The following HOXB6 variants were observed in gnomAD, a reference collection of about 807,000 sequenced individuals.
The protein encoded by HOXB6 is homeobox B6.
HOXB6 carries 18 observed loss-of-function variants against 24.2 expected under a neutral mutation model. The observed-to-expected ratio is 0.74, with a 90% CI of 0.51 to 1.10. The LOEUF (loss-of-function observed/expected upper bound fraction) is 1.10. Among genes scored for constraint, HOXB6 ranks in the 50% least tolerant of loss-of-function variants. The pLI is 0.00. For missense variants in HOXB6, 332 were observed against 308.3 expected (o/e 1.08, Z -0.58); for synonymous variants, 159 against 139.1 (o/e 1.14, Z -1.01).
At chr17:48,597,067 C>T (rs1329748655) in intron 3 of HOXB6, 2 of 1,124,930 alleles carry the variant, frequency 1.8e-6, no homozygotes, top group African/African-American at 3.3e-5. Context: ...GATCCATAGT[C>T]CACATTAACG....
At chr17:48,604,028 C>A (rs2070527845) in intron 2 of HOXB6, 1 of 152,764 alleles carries the variant, frequency 6.5e-6, no homozygotes, top group African/African-American at 2.4e-5. Context: ...TGCCGGGAAC[C>A]CAGCGATATC....
At chr17:48,600,495 A>C (rs960380327) in intron 2 of HOXB6, 1 of 455,854 alleles carries the variant, frequency 2.2e-6, no homozygotes, top group Admixed American at 2.3e-5. Flanking sequence ...GGGCGCCTGG[A>C]GTCGGGCATG....
chr17:48,598,077 A>C lies in HOXB6; in HGVS notation c.74T>G (p.Leu25Arg). 6.2e-7 allele frequency: 1 copy of C among 1,605,534 alleles called. No homozygotes were observed. The highest frequency in any genetic ancestry group is 8.5e-7 in the Non-Finnish European group (1 of 1,175,814). The stretch of plus-strand genomic sequence containing the variant: ...CGCATAGCCCGACGAATAGAGCGGT[A>C]GCTGGCCCAGGAAGGACTCCTGCCC... ...ASGQESFLGQLPLYSSGYADP... is the reference protein window; with the variant it reads ...ASGQESFLGQRPLYSSGYADP... Residue 25 changes from leucine to arginine, a missense_variant, in exon 3 of 4, where the codon CTA (leucine) becomes CGA (arginine). By Grantham distance (102) the Leu-to-Arg change is moderately radical. Transcript: ENST00000225648.
intron 2 of HOXB6, chr17:48,601,564 C>G (rs1471441300): frequency 1.3e-5 from 2 of 153,580 alleles, no homozygotes; most frequent in Non-Finnish European, 2.9e-5. Flanking sequence ...CCCTCAGGGC[C>G]TCCTATAGAG....
rs1177675427 is a variant in HOXB6 at position 48,598,062 on chromosome 17, G to T, written c.89C>A (p.Ser30Ter). 1 of 1,604,458 alleles carries T rather than the reference G, an allele frequency of 6.2e-7. No individual in the cohort carries two copies. The highest frequency in any genetic ancestry group is 8.5e-7 in the Non-Finnish European group (1 of 1,175,660). Residue 30 changes from serine (S) to a stop codon, truncating the protein, a stop_gained, in exon 3 of 4, where the codon TCG becomes TAG. Coordinates refer to ENST00000225648, the MANE Select transcript of HOXB6 (RefSeq NM_018952.5). LOFTEE classifies it high-confidence loss of function. Reference sequence around the variant, plus strand: ...ATGTCTCAGCGGGTCCGCATAGCCCGACGAATAGAGCGGTAGCTGGCCCAG... The same window carrying T: ...ATGTCTCAGCGGGTCCGCATAGCCCTACGAATAGAGCGGTAGCTGGCCCAG... ...SFLGQLPLYS[S>*]GYADPLRHYP...
intron 3 of HOXB6, among the ~76,000 whole-genome samples, chr17:48,597,390 G>A (rs1205283753): frequency 6.6e-6 from 1 of 152,138 alleles, no homozygotes; most frequent in East Asian, 1.9e-4. Context: ...ACCCTACCAG[G>A]GCTGGGAGAG....
In HOXB6 at chr17:48,596,578, G is replaced by C. The variant is rs773405148; in HGVS notation, c.510C>G (p.Tyr170Ter). ...TCTCGATGCGCCGCCGCCGCGTCAG[G>C]TAGCGATTGTAGTGAAACTCCTTCT... ...ELEKEFHYNR[Y>*]LTRRRRIEIA... The change falls in exon 4 of 4, where the codon TAC (tyrosine) becomes TAG (stop). Residue 170 changes from tyrosine to a stop codon, truncating the protein, a stop_gained. Transcript: ENST00000225648. LOFTEE classifies it high-confidence loss of function. This position sits in a 1 kb window ranked among gnomAD's most constrained non-coding sequence, Gnocchi z 4.8. The C allele has an allele frequency of 6.2e-7, 1 of 1,614,236 alleles. No individual in the cohort carries two copies. The highest frequency in any genetic ancestry group is 8.5e-7 in the Non-Finnish European group (1 of 1,180,048).
rs147616979 is a variant in HOXB6 at position 48,596,545 on chromosome 17, G to A, written c.543C>T (p.His181=). 4 of 1,614,232 alleles carry A rather than the reference G, an allele frequency of 2.5e-6. No individual in the cohort carries two copies. In the South Asian group the frequency reaches 3.3e-5, roughly 13 times the overall value. The change falls in exon 4 of 4, where the codon CAC becomes CAT. Residue 181 remains histidine, a synonymous_variant. Coordinates refer to ENST00000225648, the MANE Select transcript of HOXB6 (RefSeq NM_018952.5). The surrounding 1 kb of genome is among the most constrained non-coding windows in gnomAD (Gnocchi z 4.8). ...LTRRRRIEIA[H]ALCLTERQIK... Reference sequence around the variant, plus strand: ...TCTGCCTCTCCGTCAGGCACAGGGCGTGCGCGATCTCGATGCGCCGCCGCC... The same window carrying A: ...TCTGCCTCTCCGTCAGGCACAGGGCATGCGCGATCTCGATGCGCCGCCGCC...
intron 3 of HOXB6, chr17:48,597,009 C>A (rs988252296): frequency 8.2e-7 from 1 of 1,222,200 alleles, no homozygotes; most frequent in African/African-American, 1.6e-5. Context: ...CCGTCATCCC[C>A]CCAACCCAAT....
In HOXB6 at chr17:48,597,886, C is replaced by T. The variant is rs1164052730; in HGVS notation, c.265G>A (p.Ala89Thr). 13 of 1,586,808 alleles carry T rather than the reference C, an allele frequency of 8.2e-6. No individual in the cohort carries two copies. Among genetic ancestry groups the T allele is most frequent in the Admixed American group, 1.8e-5 (1 of 56,992 alleles). Residue 89 changes from alanine (A) to threonine (T), a missense_variant, in exon 3 of 4, where the codon GCA becomes ACA. Transcript: ENST00000225648. ...AFYREKESAC[A>T]LSGADEQPPF... ...GGCTGCTCGTCGGCGCCGGAGAGTG[C>T]GCAGGCCGACTCTTTCTCGCGGTAG...
chr17:48,600,056 A>T (rs2070420951), intron 2 of HOXB6, among the ~76,000 whole-genome samples: 2 of 152,212 alleles, frequency 1.3e-5, no homozygotes, highest in South Asian at 4.1e-4. Context: ...ATTACTTCCT[A>T]ACCTGACTCT....
chr17:48,602,375 T>G (rs1381365861), intron 2 of HOXB6: 7 of 370,544 alleles, frequency 1.9e-5, no homozygotes, highest in Non-Finnish European at 3.7e-5. Context: ...CTCCCGCGCC[T>G]TGGTGGGGTG....
intron 2 of HOXB6, chr17:48,602,299 G>A (rs1446604587): frequency 2.2e-6 from 1 of 449,418 alleles, no homozygotes; most frequent in Non-Finnish European, 4.5e-6. Flanking sequence ...CCCTCCCTTG[G>A]CTGAGAAGAA....
chr17:48,600,991 C>CATGTGT (rs143143868), intron 2 of HOXB6, among the ~76,000 whole-genome samples: 2 of 145,660 alleles, frequency 1.4e-5, no homozygotes, highest in African/African-American at 2.5e-5. Flanking sequence ...GGGATATTTG[C>CATGTGT]GTGTGTGTGT....
Position 48,596,855 on chromosome 17 carries a change from T to C in HOXB6, c.416-183A>G. The C allele has an allele frequency of 7.9e-7, 1 of 1,267,960 alleles. No homozygotes were observed. The highest frequency in any genetic ancestry group is 1.1e-6 in the Non-Finnish European group (1 of 926,708). 78.5% of individuals were successfully genotyped at this position (1,267,960 alleles called of 1,614,324 possible). A position where few individuals can be genotyped will look rare whatever the true frequency, so the allele number is the denominator to read the frequency against. ...ATTCCCTCCTAGTCTCCTAGGCCTG[T>C]GCCGTCTGTCTAGACTCTAGATGGG... On this transcript the variant is annotated intron_variant, in intron 3 of 3. Transcript: ENST00000225648. The surrounding 1 kb of genome is among the most constrained non-coding windows in gnomAD (Gnocchi z 4.8).
chr17:48,597,783 C>T lies in HOXB6; in HGVS notation c.368G>A (p.Cys123Tyr). ...CATCCACGGGTAGACCGGAGTGGAGCACTTCTGCTCTTCTGTCTCGCCGAA... is the reference window on the plus strand; with the variant it reads ...CATCCACGGGTAGACCGGAGTGGAGTACTTCTGCTCTTCTGTCTCGCCGAA... ...SVFGETEEQK[C>Y]STPVYPWMQR... is the part of the protein sequence containing the mutation. The change falls in exon 3 of 4, where the codon TGC becomes TAC. Residue 123 changes from cysteine to tyrosine, a missense_variant. Coordinates refer to ENST00000225648, the MANE Select transcript of HOXB6 (RefSeq NM_018952.5). The T allele has an allele frequency of 1.9e-6, 3 of 1,612,364 alleles. No homozygotes were observed. The highest frequency in any genetic ancestry group is 8.5e-7 in the Non-Finnish European group (1 of 1,179,298).
chr17:48,602,541 G>T (rs1011448701), intron 2 of HOXB6: 1 of 221,730 alleles, frequency 4.5e-6, no homozygotes, highest in African/African-American at 2.3e-5. Context: ...GATGGGCGGG[G>T]ACGGGGGCAG....
chr17:48,597,070 C>T (rs1463964109), intron 3 of HOXB6: 36 of 1,118,104 alleles, frequency 3.2e-5, no homozygotes, highest in Non-Finnish European at 3.8e-5. Flanking sequence ...CCATAGTCCA[C>T]ATTAACGGCT....
chr17:48,602,359 C>T, intron 2 of HOXB6: 1 of 384,438 alleles, frequency 2.6e-6, no homozygotes. Flanking sequence ...CAAGCGGCCT[C>T]ATCCTCTCCC....
Sources: allele counts gnomAD v4.1 joint callset (sites outside exome capture counted in the v4.1 genomes callset), GRCh38; gene constraint gnomAD v4.1.1; non-coding constraint Gnocchi (gnomAD v3.1); transcripts MANE v1.5; gene names NCBI Gene and HGNC (gene_info 2026-07-23, HGNC 2026-07-21).